The following CREM variants were observed in gnomAD, a reference collection of about 807,000 sequenced individuals.
CREM encodes cAMP-responsive element modulator.
Under a neutral mutation model 37.3 loss-of-function variants are expected in CREM, and 13 were observed. That is an observed-to-expected ratio of 0.35 (90% confidence interval 0.23 to 0.55). The LOEUF is 0.55. Among genes scored for constraint, CREM ranks in the 20% least tolerant of loss-of-function variants. The probability of loss-of-function intolerance (pLI) is 0.88; values close to 1 mark genes in which losing one functional copy is unlikely to be tolerated. For missense variants in CREM, 296 were observed against 362.3 expected (o/e 0.82, Z 1.49); for synonymous variants, 124 against 120.2 (o/e 1.03, Z -0.21).
intron 3 of CREM, chr10:35,158,510 G>T: frequency 1.0e-5 from 2 of 200,696 alleles, no homozygotes. Context: ...GGAGAAGGAG[G>T]CCCAGGAGAA....
At position 35,212,016 on chromosome 10, in the gene CREM, C is replaced by A. The variant is rs1025541783; in HGVS notation, c.*618C>A. 2 of 439,670 alleles carry A rather than the reference C, an allele frequency of 4.5e-6. No individual in the cohort carries two copies. Among genetic ancestry groups the A allele is most frequent in the South Asian group, 6.2e-5 (1 of 16,160 alleles). The allele number at this position is 439,670 out of a possible 1,614,324, so 27.2% of individuals were successfully genotyped here. On this transcript the variant is annotated 3_prime_UTR_variant, in exon 8 of 8. Transcript: ENST00000685392. ...ACAAACTGTAAAAAATGTGTGTATTCTTAAAATGCAATATTTGTAAGGCTT... is the reference window on the plus strand; with the variant it reads ...ACAAACTGTAAAAAATGTGTGTATTATTAAAATGCAATATTTGTAAGGCTT...
chr10:35,152,165 G>C (rs747485475), intron 3 of CREM: 2 of 152,198 alleles, frequency 1.3e-5, no homozygotes, highest in African/African-American at 2.4e-5. Flanking sequence ...TATATGATCA[G>C]ATTATCAGTA....
chr10:35,168,127 G>C (rs1010118794), intron 3 of CREM, among the ~76,000 whole-genome samples: 24 of 152,160 alleles, frequency 1.6e-4, no homozygotes, highest in African/African-American at 5.8e-4. Flanking sequence ...TAATGGGATG[G>C]CTGGGTCAAA....
chr10:35,173,534 A>G (rs986218625), intron 3 of CREM, among the ~76,000 whole-genome samples: 1 of 152,246 alleles, frequency 6.6e-6, no homozygotes, highest in Non-Finnish European at 1.5e-5. Flanking sequence ...TATTTATGGT[A>G]GCACATACTT....
intron 6 of CREM, among the ~76,000 whole-genome samples, chr10:35,204,419 G>A (rs1398031544): frequency 2.0e-5 from 3 of 152,096 alleles, no homozygotes; most frequent in African/African-American, 7.2e-5. Context: ...GGGCAACATG[G>A]TGAAACCCTG....
At chr10:35,166,018 A>G (rs898393738) in intron 3 of CREM, among the ~76,000 whole-genome samples, 1 of 152,196 alleles carries the variant, frequency 6.6e-6, no homozygotes, top group East Asian at 1.9e-4. Context: ...CGTTTACAGT[A>G]TCAGAAACAA....
chr10:35,145,760 G>T (rs2092013988), intron 2 of CREM, among the ~76,000 whole-genome samples: 1 of 114,848 alleles, frequency 8.7e-6, no homozygotes, highest in Admixed American at 1.3e-4. Flanking sequence ...TGGGTTGACA[G>T]AGTGAGACTC....
chr10:35,191,991 A>C (rs980418773), intron 6 of CREM, among the ~76,000 whole-genome samples: 11 of 152,094 alleles, frequency 7.2e-5, no homozygotes, highest in Non-Finnish European at 1.5e-4. Context: ...TCTCCATTCA[A>C]AGTCACTGTG....
intron 3 of CREM, 98 bp from the exon 4 acceptor site, chr10:35,178,791 G>A: frequency 1.2e-6 from 1 of 846,116 alleles, no homozygotes. Context: ...CACAGCTCCT[G>A]GCTCAGTGCT....
At chr10:35,147,040 GGTTTTTTTTTT>G (rs1177675769) in intron 2 of CREM, among the ~76,000 whole-genome samples, 2 of 134,910 alleles carry the variant, frequency 1.5e-5, no homozygotes, top group Non-Finnish European at 3.2e-5. Flanking sequence ...AAGTTTTTTG[GGTTTTTTTTTT>G]TTTTTTTTTT....
intron 6 of CREM, among the ~76,000 whole-genome samples, chr10:35,189,584 C>T (rs974711117): frequency 4.3e-4 from 66 of 152,126 alleles, no homozygotes; most frequent in African/African-American, 1.5e-3. Context: ...GGCGCGATCT[C>T]GGCTCACTGC....
intron 3 of CREM, among the ~76,000 whole-genome samples, chr10:35,173,531 G>A (rs2093918071): frequency 6.6e-6 from 1 of 151,978 alleles, no homozygotes; most frequent in African/African-American, 2.4e-5. Context: ...TGTTATTTAT[G>A]GTAGCACATA....
At chr10:35,184,617 G>A (rs2133392790) in intron 5 of CREM, among the ~76,000 whole-genome samples, 1 of 151,932 alleles carries the variant, frequency 6.6e-6, no homozygotes, top group Admixed American at 6.6e-5. Flanking sequence ...TGTGTGAGGG[G>A]TGTGTGTGTG....
chr10:35,175,230 A>G (rs1447226286), intron 3 of CREM, among the ~76,000 whole-genome samples: 5 of 151,952 alleles, frequency 3.3e-5, no homozygotes, highest in South Asian at 2.1e-4. Flanking sequence ...GGCAGATCAC[A>G]AGGTCAGGAG....
At chr10:35,129,109 G>C (rs981388869) in intron 1 of CREM, among the ~76,000 whole-genome samples, 1 of 152,184 alleles carries the variant, frequency 6.6e-6, no homozygotes, top group African/African-American at 2.4e-5. Context: ...GTAAATAGAT[G>C]AATATAACAC....
intron 1 of CREM, among the ~76,000 whole-genome samples, chr10:35,130,326 A>C (rs2089114829): frequency 6.6e-6 from 1 of 152,134 alleles, no homozygotes; most frequent in Non-Finnish European, 1.5e-5. Context: ...TGTCTTTTGC[A>C]ATGGGAACTC....
intron 2 of CREM, 112 bp from the exon 3 acceptor site, chr10:35,148,256 C>T: frequency 9.1e-7 from 1 of 1,095,248 alleles, no homozygotes; most frequent in Non-Finnish European, 1.3e-6. Context: ...CAGAAAGTTT[C>T]AGATTTTGGA....
intron 5 of CREM, among the ~76,000 whole-genome samples, chr10:35,187,015 T>C (rs1352829904): frequency 2.3e-5 from 2 of 88,702 alleles, no homozygotes; most frequent in Admixed American, 2.0e-4. Flanking sequence ...TAATATAATA[T>C]ATAATATATA....
chr10:35,150,542 C>G (rs984377320), intron 3 of CREM, among the ~76,000 whole-genome samples: 3 of 152,096 alleles, frequency 2.0e-5, no homozygotes, highest in Non-Finnish European at 4.4e-5. Context: ...CAACAGGTGG[C>G]CAGGTGCAGT....
Sources: allele counts gnomAD v4.1 joint callset (sites outside exome capture counted in the v4.1 genomes callset), GRCh38; gene constraint gnomAD v4.1.1; transcripts MANE v1.5; gene names NCBI Gene and HGNC (gene_info 2026-07-23, HGNC 2026-07-21).